Variants in USP37 observed in about 807,000 individuals in gnomAD.
USP37 encodes ubiquitin carboxyl-terminal hydrolase 37.
A neutral mutation model predicts 124.0 loss-of-function variants in USP37; 27 were observed. The ratio of observed to expected loss-of-function variants is 0.22; its 90% confidence interval spans 0.16 to 0.30. The LOEUF (loss-of-function observed/expected upper bound fraction) is 0.30. Among genes scored for constraint, USP37 ranks in the 10% least tolerant of loss-of-function variants. The pLI, the probability that USP37 is intolerant of heterozygous loss-of-function variation, is 1.00. For synonymous variants in USP37, 365 were observed against 388.0 expected (o/e 0.94, Z 0.70); for missense variants, 889 against 1,140.4 (o/e 0.78, Z 3.17).
intron 18 of USP37, 128 bp from the exon 19 acceptor site, chr2:218,477,109 A>G: frequency 9.1e-7 from 1 of 1,104,660 alleles, no homozygotes; most frequent in Non-Finnish European, 1.2e-6. Context: ...AAGATATATC[A>G]AAAGAGGTAT....
chr2:218,457,216 C>T, intron 23 of USP37, 55 bp from the exon 24 acceptor site: 1 of 1,482,904 alleles, frequency 6.7e-7, no homozygotes, highest in East Asian at 2.3e-5. Flanking sequence ...AAAAGCAAAA[C>T]ACTGAATATA....
chr2:218,483,835 A>G (rs1691392836), intron 16 of USP37, among the ~76,000 whole-genome samples: 1 of 152,154 alleles, frequency 6.6e-6, no homozygotes, highest in Admixed American at 6.6e-5. Flanking sequence ...CCACTCACAA[A>G]CAGGAAAGAA....
In USP37 at chr2:218,495,746, T is replaced by C; in HGVS notation, c.1472+14A>G. On this transcript the variant is annotated intron_variant, in intron 14 of 25. Coordinates refer to ENST00000258399, the MANE Select transcript of USP37 (RefSeq NM_020935.3). ...AGAAGTAAAAAGGGAAATCATTTCT[T>C]AGACACTACTTACGCTTTACAAATG... 6.3e-7 allele frequency: 1 copy of C among 1,581,758 alleles called. No homozygotes were observed.
chr2:218,499,642 C>G (rs1026746338), intron 11 of USP37, among the ~76,000 whole-genome samples: 6 of 152,160 alleles, frequency 3.9e-5, no homozygotes, highest in African/African-American at 1.4e-4. Flanking sequence ...TCTTCCCTCA[C>G]TTAGGTACAA....
Position 218,454,887 on chromosome 2 carries a change from T to C in USP37, c.*43A>G, listed in dbSNP as rs760427920. The C allele has an allele frequency of 1.9e-6, 3 of 1,599,244 alleles. No homozygotes were observed. Among genetic ancestry groups the C allele is most frequent in the African/African-American group, 1.3e-5 (1 of 74,078 alleles). ...AGAGGAAAGGTGAGGTGGGCAGCAG[T>C]AACAAATATGCAGTGCATGCTGCCA... On this transcript the variant is annotated 3_prime_UTR_variant, in exon 26 of 26. Coordinates refer to ENST00000258399, the MANE Select transcript of USP37 (RefSeq NM_020935.3).
At chr2:218,544,151 G>A (rs1191327057) in intron 8 of USP37, among the ~76,000 whole-genome samples, 2 of 151,692 alleles carry the variant, frequency 1.3e-5, no homozygotes, top group Non-Finnish European at 2.9e-5. Flanking sequence ...AGGTCGAGGC[G>A]GGCAGATCAC....
At chr2:218,519,218 T>G (rs916338128) in intron 10 of USP37, among the ~76,000 whole-genome samples, 2 of 152,198 alleles carry the variant, frequency 1.3e-5, no homozygotes, top group Non-Finnish European at 1.5e-5. Flanking sequence ...TAGAAATATG[T>G]TGAGGTGTAG....
chr2:218,506,784 C>T (rs1395703849), intron 11 of USP37, among the ~76,000 whole-genome samples: 1 of 151,650 alleles, frequency 6.6e-6, no homozygotes, highest in Non-Finnish European at 1.5e-5. Flanking sequence ...TGTCCATTGT[C>T]ATTCTCAGTT....
At chr2:218,474,366 ATTTGTT>A (rs1690849815) in intron 20 of USP37, among the ~76,000 whole-genome samples, 1 of 151,872 alleles carries the variant, frequency 6.6e-6, no homozygotes, top group South Asian at 2.1e-4. Context: ...ACCTCCCTTT[ATTTGTT>A]TTTATCTGAG....
rs1267634846 is a variant in USP37, at chr2:218,451,130, T to G, written c.*3800A>C. 1 of 152,174 alleles carries G rather than the reference T, an allele frequency of 6.6e-6. No individual in the cohort carries two copies. The highest frequency in any genetic ancestry group is 1.5e-5 in the Non-Finnish European group (1 of 68,022). 9.4% of individuals were successfully genotyped at this position (152,174 alleles called of 1,614,324 possible). On this transcript the variant is annotated 3_prime_UTR_variant, in exon 26 of 26. Coordinates refer to ENST00000258399, the MANE Select transcript of USP37 (RefSeq NM_020935.3). ...AGACAAAATTAGGATTTTGAAGTAA[T>G]GCAATAAAAAGATGTTGGAGGGCAG...
In USP37 at chr2:218,452,951, CAAAACTTTAAAGCTAGTTTT is replaced by C. The variant is rs1444103278; in HGVS notation, c.*1959_*1978del. 3 of 152,146 alleles carry C rather than the reference CAAAACTTTAAAGCTAGTTTT, an allele frequency of 2.0e-5. No individual in the cohort carries two copies. The highest frequency in any genetic ancestry group is 4.4e-5 in the Non-Finnish European group (3 of 68,022). 9.4% of individuals were successfully genotyped at this position (152,146 alleles called of 1,614,324 possible). ...AAAGAGGCTCCTGGTAGAAATGAAACAAAACTTTAAAGCTAGTTTTAAAACAAATATTTTCCTCTGCTCTA... is the reference window on the plus strand; with the variant it reads ...AAAGAGGCTCCTGGTAGAAATGAAACAAAACAAATATTTTCCTCTGCTCTA... On this transcript the variant is annotated 3_prime_UTR_variant, in exon 26 of 26. Coordinates refer to ENST00000258399, the MANE Select transcript of USP37 (RefSeq NM_020935.3).
At chr2:218,554,158 C>A (rs1337909852) in intron 4 of USP37, among the ~76,000 whole-genome samples, 1 of 152,158 alleles carries the variant, frequency 6.6e-6, no homozygotes, top group Admixed American at 6.5e-5. Context: ...ATGTGTTAAA[C>A]ATTAAGCAAA....
intron 10 of USP37, among the ~76,000 whole-genome samples, chr2:218,525,018 T>C (rs1690878023): frequency 1.3e-5 from 2 of 152,234 alleles, no homozygotes; most frequent in Non-Finnish European, 2.9e-5. Context: ...CCTATGTCAT[T>C]TGAATTTTCT....
chr2:218,505,862 G>GT (rs1343924364), intron 11 of USP37, among the ~76,000 whole-genome samples: 36 of 88,132 alleles, frequency 4.1e-4, no homozygotes, highest in Non-Finnish European at 1.6e-4. Flanking sequence ...GATTATAGCT[G>GT]TTTTGTTGTT....
At chr2:218,518,259 T>C (rs932989933) in intron 10 of USP37, among the ~76,000 whole-genome samples, 1 of 152,356 alleles carries the variant, frequency 6.6e-6, no homozygotes, top group East Asian at 1.9e-4. Context: ...TTTGATTTTT[T>C]TAAATCTGTG....
chr2:218,556,503 G>GTTT (rs34907421), intron 4 of USP37, among the ~76,000 whole-genome samples: 799 of 53,786 alleles, frequency 0.015, 201 homozygotes, highest in African/African-American at 0.041. Flanking sequence ...GGGTTTTTCT[G>GTTT]TTTTTTTTTT....
At position 218,454,794 on chromosome 2, in the gene USP37, G is replaced by C. The variant is rs527380599; in HGVS notation, c.*136C>G. On this transcript the variant is annotated 3_prime_UTR_variant, in exon 26 of 26. Coordinates refer to ENST00000258399, the MANE Select transcript of USP37 (RefSeq NM_020935.3). ...AGCATTCTACGTTACTCCAATTTTT[G>C]TCTTTTGGTTTGGCCCTGAGCTGTT... The C allele has an allele frequency of 5.4e-6, 8 of 1,472,186 alleles. No individual in the cohort carries two copies. The African/African-American group carries it at 9.8e-5, about 18-fold the overall frequency. 91.2% of individuals were successfully genotyped at this position (1,472,186 alleles called of 1,614,324 possible). A position where few individuals can be genotyped will look rare whatever the true frequency, so the allele number is the denominator to read the frequency against.
At chr2:218,480,234 T>C (rs1691189126) in intron 17 of USP37, among the ~76,000 whole-genome samples, 1 of 150,192 alleles carries the variant, frequency 6.7e-6, no homozygotes, top group Non-Finnish European at 1.5e-5. Context: ...CCGTTTCTAC[T>C]AAAAAAATAC....
At chr2:218,488,646 T>G (rs1691730012) in intron 14 of USP37, among the ~76,000 whole-genome samples, 1 of 152,206 alleles carries the variant, frequency 6.6e-6, no homozygotes, top group Admixed American at 6.5e-5. Context: ...TTAAATCTTT[T>G]TTTTGTGAGA....
Sources: gnomAD v4.1 joint callset for allele counts (sites outside exome capture counted in the v4.1 genomes callset) on GRCh38, gnomAD v4.1.1 for gene constraint, MANE v1.5 for transcripts, NCBI Gene and HGNC (gene_info 2026-07-23, HGNC 2026-07-21) for gene names.